Variants in UNC79 observed in about 807,000 individuals in gnomAD.
The protein encoded by UNC79 is unc-79 subunit of NALCN channel complex, also known as protein unc-79 homolog.
UNC79 carries 37 observed loss-of-function variants against 283.1 expected under a neutral mutation model. The ratio of observed to expected loss-of-function variants is 0.13; its 90% confidence interval spans 0.10 to 0.17. The LOEUF is 0.17. Among genes scored for constraint, UNC79 ranks in the 10% least tolerant of loss-of-function variants. The pLI, the probability that UNC79 is intolerant of heterozygous loss-of-function variation, is 1.00. For missense variants in UNC79, 2,272 were observed against 3,211.1 expected, an observed-to-expected ratio of 0.71 and a Z score of 7.07; for synonymous variants, 1,107 against 1,200.2, an observed-to-expected ratio of 0.92 and a Z score of 1.61.
chr14:93,378,002 G>T (rs1209826595), intron 1 of UNC79, among the ~76,000 whole-genome samples: 1 of 152,104 alleles, frequency 6.6e-6, no homozygotes, highest in Non-Finnish European at 1.5e-5. Flanking sequence ...GTAATAATCA[G>T]GTATCCAGAC....
chr14:93,582,067 G>A, intron 19 of UNC79, 136 bp from the exon 20 acceptor site: 2 of 1,285,940 alleles, frequency 1.6e-6, no homozygotes, highest in Middle Eastern at 2.1e-4. Context: ...CTGGGGTGTG[G>A]TGCCTTGGCC....
At chr14:93,469,411 A>G in intron 2 of UNC79, among the ~76,000 whole-genome samples, 1 of 152,142 alleles carries the variant, frequency 6.6e-6, no homozygotes, top group Non-Finnish European at 1.5e-5. Flanking sequence ...TTTTTTTAAA[A>G]CTAGAAGTAC....
intron 14 of UNC79, among the ~76,000 whole-genome samples, chr14:93,557,159 T>G (rs559699740): frequency 2.0e-5 from 3 of 152,336 alleles, no homozygotes; most frequent in East Asian, 3.9e-4. Context: ...GCAGAGAGTG[T>G]GACAAAATTT....
At chr14:93,586,989 T>A (rs1407223053) in intron 22 of UNC79, 81 bp downstream of exon 22, 1 of 1,533,884 alleles carries the variant, frequency 6.5e-7, no homozygotes, top group African/African-American at 1.4e-5. Context: ...TAAGATTTAC[T>A]GGCTTGTTTG....
intron 26 of UNC79, among the ~76,000 whole-genome samples, chr14:93,604,050 G>C (rs1473131836): frequency 6.6e-6 from 1 of 151,892 alleles, no homozygotes; most frequent in African/African-American, 2.4e-5. Context: ...GTTTTAAAGA[G>C]AATAAAATTT....
intron 1 of UNC79, among the ~76,000 whole-genome samples, chr14:93,386,251 C>T (rs1321612412): frequency 6.6e-6 from 1 of 152,112 alleles, no homozygotes; most frequent in Non-Finnish European, 1.5e-5. Flanking sequence ...GTCCTTCATT[C>T]TGTTCATATG....
At chr14:93,549,852 G>A (rs1396630169) in intron 14 of UNC79, among the ~76,000 whole-genome samples, 3 of 152,202 alleles carry the variant, frequency 2.0e-5, no homozygotes, top group African/African-American at 7.2e-5. Flanking sequence ...ATGCAGCTAG[G>A]TTACAGTTCA....
At chr14:93,429,366 C>T (rs1373996091), upstream of UNC79, among the ~76,000 whole-genome samples, 2 of 152,212 alleles carry the variant, frequency 1.3e-5, no homozygotes, top group African/African-American at 4.8e-5. Flanking sequence ...ACCTGCCAAT[C>T]AGCAGGATGT....
At chr14:93,345,758 G>A (rs1367726748) in intron 1 of UNC79, among the ~76,000 whole-genome samples, 1 of 151,842 alleles carries the variant, frequency 6.6e-6, no homozygotes, top group Non-Finnish European at 1.5e-5. Context: ...CAAATAAATA[G>A]GAATAGTGCT....
chr14:93,610,382 G>T (rs1279542184), intron 26 of UNC79, among the ~76,000 whole-genome samples: 1 of 152,180 alleles, frequency 6.6e-6, no homozygotes. Context: ...GAGCAGGACT[G>T]AGTGATACAT....
chr14:93,485,210 GTATA>G (rs67783539), intron 4 of UNC79, among the ~76,000 whole-genome samples: 1 of 147,658 alleles, frequency 6.8e-6, no homozygotes, highest in East Asian at 2.0e-4. Context: ...ATATATATGT[GTATA>G]TATATATATG....
At chr14:93,365,202 A>G (rs2054303748) in intron 1 of UNC79, among the ~76,000 whole-genome samples, 1 of 152,056 alleles carries the variant, frequency 6.6e-6, no homozygotes, top group African/African-American at 2.4e-5. Flanking sequence ...CCTGGCCAAC[A>G]TGGTGAAACC....
intron 2 of UNC79, among the ~76,000 whole-genome samples, chr14:93,473,664 G>C (rs1220353217): frequency 6.6e-6 from 1 of 152,132 alleles, no homozygotes; most frequent in Non-Finnish European, 1.5e-5. Flanking sequence ...CTATTTACCT[G>C]ATGAAGACAG....
chr14:93,486,099 G>A (rs1404505235), intron 4 of UNC79, among the ~76,000 whole-genome samples: 1 of 152,020 alleles, frequency 6.6e-6, no homozygotes, highest in African/African-American at 2.4e-5. Flanking sequence ...CAGATTTTGA[G>A]GTTATTTGCT....
intron 1 of UNC79, among the ~76,000 whole-genome samples, chr14:93,448,698 T>A (rs1272981375): frequency 6.6e-6 from 1 of 152,226 alleles, no homozygotes; most frequent in Non-Finnish European, 1.5e-5. Context: ...GGGATGGAAT[T>A]GCAAACTCTG....
rs1267848033 is a variant in UNC79, at chr14:93,578,018, G to T, written c.2388G>T (p.Met796Ile). ...ACTTTGATTGTGAAGATGATGAAAT[G>T]AATCTAAATTGTTTCATCCTCATGT... is the stretch of plus-strand genomic sequence containing the variant. The change falls in exon 18 of 49, where the codon ATG (methionine) becomes ATT (isoleucine). Residue 796 changes from methionine (M) to isoleucine (I), a missense_variant. Met to Ile is a conservative substitution (Grantham distance 10, BLOSUM62 1). This residue lies in a region of UNC79 where 356 missense variants were observed against 416.2 expected (regional missense o/e 0.86). Coordinates refer to ENST00000555664, the Ensembl canonical transcript of UNC79. 3.7e-6 allele frequency: 6 copies of T among 1,614,118 alleles called. No individual in the cohort carries two copies. The highest frequency in any genetic ancestry group is 2.2e-5 in the East Asian group (1 of 44,902).
At chr14:93,490,627 T>C (rs781302692) in intron 5 of UNC79, among the ~76,000 whole-genome samples, 1 of 152,190 alleles carries the variant, frequency 6.6e-6, no homozygotes, top group Non-Finnish European at 1.5e-5. Flanking sequence ...CAGGAATGTG[T>C]TCCTCATTTC....
At chr14:93,430,310 C>G (rs2055826744), upstream of UNC79, 1 of 152,696 alleles carries the variant, frequency 6.5e-6, no homozygotes, top group African/African-American at 2.4e-5. This position sits in a 1 kb window ranked among gnomAD's most constrained non-coding sequence, Gnocchi z 4.6. Context: ...AGCAGGAGAG[C>G]CCATCGCAGA....
chr14:93,375,650 G>A (rs892978414), intron 1 of UNC79, among the ~76,000 whole-genome samples: 1 of 152,154 alleles, frequency 6.6e-6, no homozygotes, highest in Non-Finnish European at 1.5e-5. Flanking sequence ...GGAAGGCAAA[G>A]GGGGAGCAAG....
Sources: allele counts gnomAD v4.1 joint callset (sites outside exome capture counted in the v4.1 genomes callset), GRCh38; gene constraint gnomAD v4.1.1; regional missense constraint gnomAD v4.1.1; non-coding constraint Gnocchi (gnomAD v3.1); transcripts MANE v1.5; gene names NCBI Gene and HGNC (gene_info 2026-07-23, HGNC 2026-07-21).